Variants in FGFR3 observed in about 807,000 individuals in gnomAD.
FGFR3 encodes FGFR-3.
Under a neutral mutation model 82.9 loss-of-function variants are expected in FGFR3, and 25 were observed. That is an observed-to-expected ratio of 0.30 (90% CI 0.22 to 0.42). The LOEUF is 0.42. Among genes scored for constraint, FGFR3 ranks in the 10% least tolerant of loss-of-function variants. FGFR3 has a pLI of 1.00. For synonymous variants in FGFR3, 620 were observed against 516.0 expected, an observed-to-expected ratio of 1.20 and a Z score of -2.73; for missense variants, 1,026 against 1,161.0, an observed-to-expected ratio of 0.88 and a Z score of 1.69.
At position 1,799,676 on chromosome 4, in the gene FGFR3, C is replaced by T. The variant is rs544292171; in HGVS notation, c.380-71C>T. On this transcript the variant is annotated intron_variant, in intron 3 of 17. Transcript: ENST00000440486. Reference sequence around the variant, plus strand: ...GCTGCCCAAATGGGGGACCCTGCCCCATCTGGGAGGGGCACCTGGGGGCCT... The same window carrying T: ...GCTGCCCAAATGGGGGACCCTGCCCTATCTGGGAGGGGCACCTGGGGGCCT... 29 of 1,593,430 alleles carry T rather than the reference C, an allele frequency of 1.8e-5. No individual in the cohort carries two copies. In the South Asian group the frequency reaches 2.8e-4, roughly 16 times the overall value.
intron 2 of FGFR3, among the ~76,000 whole-genome samples, chr4:1,798,412 C>G (rs1232988553): frequency 6.6e-6 from 1 of 152,214 alleles, no homozygotes; most frequent in Admixed American, 6.5e-5. Context: ...GTGAGACCCA[C>G]TTGGCCGGAC....
At chr4:1,794,183 T>C in intron 2 of FGFR3, 140 bp downstream of exon 2, 1 of 435,402 alleles carries the variant, frequency 2.3e-6, no homozygotes. Flanking sequence ...GCTGCCTCCT[T>C]GCCGGAGAGC....
chr4:1,795,948 A>G (rs1225463267), intron 2 of FGFR3, among the ~76,000 whole-genome samples: 1 of 151,708 alleles, frequency 6.6e-6, no homozygotes, highest in Non-Finnish European at 1.5e-5. Flanking sequence ...GAGCCTAGGA[A>G]CCCCTTGTTA....
intron 2 of FGFR3, among the ~76,000 whole-genome samples, 175 bp from the exon 3 acceptor site, chr4:1,799,079 G>A (rs1276594171): frequency 6.6e-6 from 1 of 152,210 alleles, no homozygotes; most frequent in Non-Finnish European, 1.5e-5. Flanking sequence ...TGGCAAAGCT[G>A]AAGATAGAGA....
intron 1 of FGFR3, 88 bp from the exon 2 acceptor site, chr4:1,793,745 G>C (rs1234733630): frequency 6.4e-6 from 1 of 157,344 alleles, no homozygotes; most frequent in Non-Finnish European, 1.4e-5. Context: ...GGGCGGCTGG[G>C]GGTCGGAGGG....
rs1219907471 is a variant in FGFR3, at chr4:1,808,700, G to C, written c.*1438G>C. On this transcript the variant is annotated 3_prime_UTR_variant, in exon 18 of 18. Coordinates refer to ENST00000440486, the MANE Select transcript of FGFR3 (RefSeq NM_000142.5). ...TTGGTTCGTTCTGTACTGTTACTGG[G>C]CCCTGAGTCTGGGCAGCTGTCCCTT... The C allele has an allele frequency of 4.3e-6, 1 of 232,404 alleles. No individual in the cohort carries two copies. The highest frequency in any genetic ancestry group is 8.5e-6 in the Non-Finnish European group (1 of 117,464). 14.4% of individuals were successfully genotyped at this position (232,404 alleles called of 1,614,324 possible).
intron 2 of FGFR3, among the ~76,000 whole-genome samples, chr4:1,794,374 G>GTT (rs1305757755): frequency 6.6e-6 from 1 of 152,192 alleles, no homozygotes; most frequent in Non-Finnish European, 1.5e-5. Context: ...TCCCGCTGTT[G>GTT]TTATTCGGGT....
At chr4:1,807,056 G>C (rs1332830222) in intron 17 of FGFR3, 60 bp from the exon 18 acceptor site, 2 of 1,552,860 alleles carry the variant, frequency 1.3e-6, no homozygotes. Flanking sequence ...CCTGGGCACA[G>C]AGGTGGCTGT....
rs1721245400 is a variant in FGFR3, at chr4:1,801,957, C to T, written c.862C>T (p.Leu288Phe). The T allele has an allele frequency of 1.9e-6, 3 of 1,612,868 alleles. No individual in the cohort carries two copies. Among genetic ancestry groups the T allele is most frequent in the Non-Finnish European group, 2.5e-6 (3 of 1,179,886 alleles). The change falls in exon 7 of 18, where the codon CTC (leucine) becomes TTC (phenylalanine). Residue 288 changes from leucine (L) to phenylalanine (F), a missense_variant. This residue lies in a region of FGFR3 where 147 missense variants were observed against 228.1 expected (regional missense o/e 0.64). Transcript: ENST00000440486. ...TGACGCACAGCCCCACATCCAGTGGCTCAAGCACGTGGAGGTGAATGGCAG... is the reference window on the plus strand; with the variant it reads ...TGACGCACAGCCCCACATCCAGTGGTTCAAGCACGTGGAGGTGAATGGCAG... ...YSDAQPHIQW[L>F]KHVEVNGSKV...
intron 1 of FGFR3, 135 bp from the exon 2 acceptor site, chr4:1,793,698 G>A (rs1195256783): frequency 1.3e-5 from 2 of 153,386 alleles, no homozygotes; most frequent in African/African-American, 4.9e-5. Context: ...CCGGCGCCAG[G>A]CGGCCCGGGA....
At position 1,804,525 on chromosome 4, in the gene FGFR3, CAG is replaced by C. The variant is rs974422515; in HGVS notation, c.1266+7_1266+8del. 8.7e-6 allele frequency: 14 copies of C among 1,611,890 alleles called. No homozygotes were observed. The highest frequency in any genetic ancestry group is 4.5e-5 in the East Asian group (2 of 44,894). On this transcript the variant is annotated splice_donor_region_variant and intron_variant, in intron 9 of 17. Coordinates refer to ENST00000440486, the MANE Select transcript of FGFR3 (RefSeq NM_000142.5). ...CGCTTCCCGCTCAAGCGACAGGTAA[CAG>C]AAAGTAGATACCAGGTTCTGAGCTG...
intron 12 of FGFR3, 28 bp from the exon 13 acceptor site, chr4:1,805,722 A>C (rs1299524093): frequency 6.2e-7 from 1 of 1,611,488 alleles, no homozygotes; most frequent in Non-Finnish European, 8.5e-7. Context: ...TGGGCCTGGC[A>C]GCCCGTCTGA....
At position 1,806,889 on chromosome 4, in the gene FGFR3, G is replaced by A. The variant is rs1318746739; in HGVS notation, c.2229G>A (p.Gln743=). 2.5e-6 allele frequency: 4 copies of A among 1,611,750 alleles called. No homozygotes were observed. Among genetic ancestry groups the A allele is most frequent in the Non-Finnish European group, 2.5e-6 (3 of 1,179,596 alleles). The stretch of plus-strand genomic sequence containing the variant: ...CCTCCCAGAGGCCCACCTTCAAGCA[G>A]CTGGTGGAGGACCTGGACCGTGTCC... ...AAPSQRPTFK[Q]LVEDLDRVLT... is the part of the protein sequence containing the mutation. The change falls in exon 17 of 18, where the codon CAG becomes CAA. Residue 743 remains glutamine (Q), a synonymous_variant. Coordinates refer to ENST00000440486, the MANE Select transcript of FGFR3 (RefSeq NM_000142.5).
In FGFR3 at chr4:1,808,369, G is replaced by C. The variant is rs1377703088; in HGVS notation, c.*1107G>C. 5 of 232,328 alleles carry C rather than the reference G, an allele frequency of 2.2e-5. No homozygotes were observed. Among genetic ancestry groups the C allele is most frequent in the Admixed American group, 1.1e-4 (2 of 17,712 alleles). The allele number at this position is 232,328 out of a possible 1,614,324, so 14.4% of individuals were successfully genotyped here. ...CCTTTGTCCTTTTTCAGGAGAATTA[G>C]ATTTCTATAGGATTTTTCTTTAGGA... On this transcript the variant is annotated 3_prime_UTR_variant, in exon 18 of 18. Transcript: ENST00000440486.
At chr4:1,802,786 C>T (rs1160633550) in intron 7 of FGFR3, 2 of 1,269,306 alleles carry the variant, frequency 1.6e-6, no homozygotes, top group African/African-American at 1.6e-5. Context: ...TCCACGCCTC[C>T]TCCAGGCAGC....
intron 15 of FGFR3, 73 bp from the exon 16 acceptor site, chr4:1,806,473 C>T (rs1721935328): frequency 1.2e-6 from 2 of 1,611,288 alleles, no homozygotes; most frequent in Non-Finnish European, 1.7e-6. Flanking sequence ...CAGCCCTGGC[C>T]TATTCCCCTG....
At chr4:1,806,779 C>T (rs375456979) in intron 16 of FGFR3, 50 bp from the exon 17 acceptor site, 431 of 1,593,354 alleles carry the variant, frequency 2.7e-4, no homozygotes, top group Non-Finnish European at 3.5e-4. Flanking sequence ...AGGCTGTTCC[C>T]GAATAAGGCG....
rs1267260174 is a variant in FGFR3 at position 1,804,919 on chromosome 4, C to G, written c.1362C>G (p.Val454=). 5 of 1,549,810 alleles carry G rather than the reference C, an allele frequency of 3.2e-6. No homozygotes were observed. In the Admixed American group the frequency reaches 5.9e-5, roughly 18 times the overall value. Residue 454 remains valine, a synonymous_variant, in exon 10 of 18, where the codon GTC becomes GTG. Transcript: ENST00000440486. The stretch of plus-strand genomic sequence containing the variant: ...GGGAGGGCCCCACGCTGGCCAATGT[C>G]TCCGAGCTCGAGCTGCCTGCCGACC... ...SSGEGPTLAN[V]SELELPADPK... is the part of the protein sequence containing the mutation.
intron 2 of FGFR3, among the ~76,000 whole-genome samples, chr4:1,795,346 C>A (rs1293922140): frequency 6.6e-6 from 1 of 151,900 alleles, no homozygotes; most frequent in African/African-American, 2.4e-5. Context: ...GGAAGGGCGG[C>A]GGCCAGGCTG....
Sources: gnomAD v4.1 joint callset for allele counts (sites outside exome capture counted in the v4.1 genomes callset) on GRCh38, gnomAD v4.1.1 for gene constraint, gnomAD v4.1.1 regional missense constraint, MANE v1.5 for transcripts, NCBI Gene and HGNC (gene_info 2026-07-23, HGNC 2026-07-21) for gene names.